PANK4: variants seen among roughly 807,000 people sequenced by gnomAD.
PANK4 encodes pantothenate kinase 4 (inactive).
A neutral mutation model predicts 87.9 loss-of-function variants in PANK4; 40 were observed. That is an observed-to-expected ratio of 0.46 (90% CI 0.35 to 0.59). The LOEUF is 0.59. Ranked by LOEUF, PANK4 falls within the 20% of genes least tolerant of loss-of-function variation. PANK4 has a pLI of 0.00. For synonymous variants in PANK4, 524 were observed against 467.4 expected (o/e 1.12, Z -1.56); for missense variants, 926 against 1,072.3 (o/e 0.86, Z 1.90).
chr1:2,521,345 T>C (rs377043859), intron 2 of PANK4, 30 bp from the exon 3 acceptor site: 3 of 1,549,958 alleles, frequency 1.9e-6, no homozygotes, highest in African/African-American at 1.4e-5. Flanking sequence ...AGGCCGCATG[T>C]GTGTGGGACA....
chr1:2,509,011 G>C lies in PANK4; in HGVS notation c.2158C>G (p.Leu720Val). The change falls in exon 19 of 19, where the codon CTG (leucine) becomes GTG (valine). Residue 720 changes from leucine (L) to valine (V), a missense_variant. Leu to Val is a conservative substitution (Grantham distance 32). Transcript: ENST00000378466. The surrounding 1 kb of genome is among the most constrained non-coding windows in gnomAD (Gnocchi z 4.9). ...CGGCCCATGCCCTCGATGACCACCA[G>C]ATCCGCGCCACGCTCCCGCACCAGT... ...AALVRERGADLVVIEGMGRAV... is the reference protein window; with the variant it reads ...AALVRERGADVVVIEGMGRAV... 6.2e-7 allele frequency: 1 copy of C among 1,605,652 alleles called. No individual in the cohort carries two copies. The highest frequency in any genetic ancestry group is 8.5e-7 in the Non-Finnish European group (1 of 1,179,652).
At position 2,511,292 on chromosome 1, in the gene PANK4, C is replaced by A. The variant is rs202155285; in HGVS notation, c.1833+46G>T. On this transcript the variant is annotated intron_variant, in intron 15 of 18. Coordinates refer to ENST00000378466, the MANE Select transcript of PANK4 (RefSeq NM_018216.4). ...TCCCTCCAGTGACCACCCCCCCGGG[C>A]CCCGCTGTGTCCCCAGCAGCAGAGG... 52 of 1,423,744 alleles carry A rather than the reference C, an allele frequency of 3.7e-5. No homozygotes were observed. The East Asian group carries it at 1.1e-3, about 31-fold the overall frequency. The allele number at this position is 1,423,744 out of a possible 1,614,324, so 88.2% of individuals were successfully genotyped here.
chr1:2,521,955 A>AAT, intron 1 of PANK4, 155 bp from the exon 2 acceptor site: 1 of 632,320 alleles, frequency 1.6e-6, no homozygotes, highest in South Asian at 1.8e-5. Context: ...TGGGCACAAA[A>AAT]GAGAGGACAG....
Position 2,509,379 on chromosome 1 carries a change from A to G in PANK4, c.2109-319T>C, listed in dbSNP as rs940380563. 5.9e-5 allele frequency among the ~76,000 whole-genome samples: 9 copies of G among 152,172 alleles called. No homozygotes were observed. The highest frequency in any genetic ancestry group is 1.3e-4 in the Admixed American group (2 of 15,276). On this transcript the variant is annotated intron_variant, in intron 18 of 18. Transcript: ENST00000378466. This position sits in a 1 kb window ranked among gnomAD's most constrained non-coding sequence, Gnocchi z 4.9. ...GGGGCACAGATGAAGCCAGCACTGG[A>G]GAATCCCACCAGGCAGAGCAGACCA...
In PANK4 at chr1:2,509,017, C is replaced by T. The variant is rs200267028; in HGVS notation, c.2152G>A (p.Ala718Thr). 3.9e-5 allele frequency: 62 copies of T among 1,604,578 alleles called. No individual in the cohort carries two copies. Among genetic ancestry groups the T allele is most frequent in the Admixed American group, 3.0e-4 (18 of 59,880 alleles). The part of the protein sequence containing the change: ...GLAALVRERG[A>T]DLVVIEGMGR... The stretch of plus-strand genomic sequence containing the variant: ...ATGCCCTCGATGACCACCAGATCCG[C>T]GCCACGCTCCCGCACCAGTGCGGCC... The change falls in exon 19 of 19, where the codon GCG (alanine) becomes ACG (threonine). Residue 718 changes from alanine to threonine, a missense_variant. Physicochemically the swap from Ala to Thr is moderately conservative, Grantham distance 58 (BLOSUM62 0). Coordinates refer to ENST00000378466, the MANE Select transcript of PANK4 (RefSeq NM_018216.4). The surrounding 1 kb of genome is among the most constrained non-coding windows in gnomAD (Gnocchi z 4.9).
intron 12 of PANK4, among the ~76,000 whole-genome samples, chr1:2,513,435 C>T (rs1199238802): frequency 6.6e-6 from 1 of 152,260 alleles, no homozygotes; most frequent in African/African-American, 2.4e-5. Context: ...GGAGTCCATG[C>T]CTCCGCTGCT....
Position 2,520,012 on chromosome 1 carries a change from C to A in PANK4, c.700-58G>T. ...CCAGGAGCTGCTGGAATCCCCACGA[C>A]CCCAGAAACCAAGCCCATGGCAGGA... On this transcript the variant is annotated intron_variant, in intron 5 of 18. Transcript: ENST00000378466. The surrounding 1 kb of genome is among the most constrained non-coding windows in gnomAD (Gnocchi z 6.2). 1.4e-6 allele frequency: 2 copies of A among 1,474,890 alleles called. No homozygotes were observed. Among genetic ancestry groups the A allele is most frequent in the Non-Finnish European group, 1.8e-6 (2 of 1,099,508 alleles). 91.4% of individuals were successfully genotyped at this position (1,474,890 alleles called of 1,614,324 possible). A position where few individuals can be genotyped will look rare whatever the true frequency, so the allele number is the denominator to read the frequency against.
In PANK4 at chr1:2,521,737, G is replaced by A. The variant is rs752230388; in HGVS notation, c.188C>T (p.Ser63Phe). ...TVQHKVAKVR[S>F]FDHSGKDTER... ...GCTCACCTTTCCGGAGTGGTCGAAA[G>A]ACCGCACCTTGGCGACTTTGTGCTG... The change falls in exon 2 of 19, where the codon TCT becomes TTT. Residue 63 changes from serine (S) to phenylalanine (F), a missense_variant. Physicochemically the swap from Ser to Phe is radical, Grantham distance 155 (BLOSUM62 -2). Transcript: ENST00000378466. 2 of 1,613,964 alleles carry A rather than the reference G, an allele frequency of 1.2e-6. No homozygotes were observed. Among genetic ancestry groups the A allele is most frequent in the Non-Finnish European group, 1.7e-6 (2 of 1,179,958 alleles).
At position 2,526,481 on chromosome 1, in the gene PANK4, C is replaced by A; in HGVS notation, c.107G>T (p.Arg36Leu). The stretch of plus-strand genomic sequence containing the variant: ...GCGGCTACCTATGTCGATGGCGAAG[C>A]GCTTGGCGTTCTCCAGGTTGCGGAA... Reference protein sequence around the residue: ...EIFRNLENAKRFAIDIGGSLT... With the variant: ...EIFRNLENAKLFAIDIGGSLT... Residue 36 changes from arginine (R) to leucine (L), a missense_variant, in exon 1 of 19, where the codon CGC becomes CTC. Arg to Leu is a moderately radical substitution (Grantham distance 102). Coordinates refer to ENST00000378466, the MANE Select transcript of PANK4 (RefSeq NM_018216.4). The A allele has an allele frequency of 6.4e-7, 1 of 1,570,776 alleles. No individual in the cohort carries two copies. The highest frequency in any genetic ancestry group is 8.6e-7 in the Non-Finnish European group (1 of 1,161,052).
Position 2,526,563 on chromosome 1 carries a change from T to G in PANK4, c.25A>C (p.Ser9Arg). 6.2e-7 allele frequency: 1 copy of G among 1,602,698 alleles called. No individual in the cohort carries two copies. The highest frequency in any genetic ancestry group is 1.7e-5 in the Admixed American group (1 of 59,088). The change falls in exon 1 of 19, where the codon AGC (serine) becomes CGC (arginine). Residue 9 changes from serine (S) to arginine (R), a missense_variant. By Grantham distance (110) the Ser-to-Arg change is moderately radical. Transcript: ENST00000378466. MAECGASG[S>R]GSSGDSLDKS... ...TCCAGACTGTCCCCGCTGCTCCCGCTGCCGCTCGCTCCACACTCCGCCATT... is the reference window on the plus strand; with the variant it reads ...TCCAGACTGTCCCCGCTGCTCCCGCGGCCGCTCGCTCCACACTCCGCCATT...
chr1:2,520,558 G>C lies in PANK4; in HGVS notation c.607-144C>G. On this transcript the variant is annotated intron_variant, in intron 4 of 18. Transcript: ENST00000378466. The surrounding 1 kb of genome is among the most constrained non-coding windows in gnomAD (Gnocchi z 6.2). The stretch of plus-strand genomic sequence containing the variant: ...GAGGACTCTCATGGCCAAGCCTGGG[G>C]GCGCTGATGCCCCTCCCACAGAGGC... The C allele has an allele frequency of 2.0e-6, 2 of 1,015,018 alleles. No homozygotes were observed. The highest frequency in any genetic ancestry group is 2.9e-6 in the Non-Finnish European group (2 of 678,688). 62.9% of individuals were successfully genotyped at this position (1,015,018 alleles called of 1,614,324 possible). A position where few individuals can be genotyped will look rare whatever the true frequency, so the allele number is the denominator to read the frequency against.
Position 2,521,740 on chromosome 1 carries a change from C to G in PANK4, c.185G>C (p.Arg62Pro). 1 of 1,613,906 alleles carries G rather than the reference C, an allele frequency of 6.2e-7. No individual in the cohort carries two copies. Among genetic ancestry groups the G allele is most frequent in the Non-Finnish European group, 8.5e-7 (1 of 1,179,942 alleles). ...STVQHKVAKV[R>P]SFDHSGKDTE... ...CACCTTTCCGGAGTGGTCGAAAGAC[C>G]GCACCTTGGCGACTTTGTGCTGTAC... is the stretch of plus-strand genomic sequence containing the variant. The change falls in exon 2 of 19, where the codon CGG (arginine) becomes CCG (proline). Residue 62 changes from arginine (R) to proline (P), a missense_variant. By Grantham distance (103) the Arg-to-Pro change is moderately radical. Transcript: ENST00000378466.
chr1:2,521,328 G>A lies in PANK4; in HGVS notation c.208-13C>T, dbSNP rs768396545. 1.9e-6 allele frequency: 3 copies of A among 1,603,668 alleles called. No homozygotes were observed. The highest frequency in any genetic ancestry group is 1.7e-6 in the Non-Finnish European group (2 of 1,170,822). The stretch of plus-strand genomic sequence containing the variant: ...CACGTTCTGTGTCCTGGAAAACAGA[G>A]TAGGGGAGGCCGCATGTGTGTGGGA... On this transcript the variant is annotated splice_polypyrimidine_tract_variant and intron_variant, in intron 2 of 18. Transcript: ENST00000378466.
chr1:2,513,993 T>C lies in PANK4; in HGVS notation c.1575+9A>G. On this transcript the variant is annotated intron_variant, in intron 12 of 18. Coordinates refer to ENST00000378466, the MANE Select transcript of PANK4 (RefSeq NM_018216.4). ...GAGCGAGCGGAAGGCCAGGGCACAC[T>C]GCACTTACTTTGGAGTAGGGATCCG... The C allele has an allele frequency of 6.3e-7, 1 of 1,599,392 alleles. No individual in the cohort carries two copies. The highest frequency in any genetic ancestry group is 2.2e-5 in the East Asian group (1 of 44,810).
At chr1:2,516,542 C>T (rs944975366) in intron 9 of PANK4, among the ~76,000 whole-genome samples, 1 of 152,206 alleles carries the variant, frequency 6.6e-6, no homozygotes, top group African/African-American at 2.4e-5. Flanking sequence ...CCGCCTCTTC[C>T]CACCCTCCGG....
rs561244718 is a variant in PANK4 at position 2,510,044 on chromosome 1, C to T, written c.2039+13G>A. On this transcript the variant is annotated intron_variant, in intron 17 of 18. Coordinates refer to ENST00000378466, the MANE Select transcript of PANK4 (RefSeq NM_018216.4). This position sits in a 1 kb window ranked among gnomAD's most constrained non-coding sequence, Gnocchi z 4.9. ...CCATCAAGGCCCCCCCAGCACTGCC[C>T]GCCAACACTCACTGCACGACAGGGT... The T allele has an allele frequency of 4.1e-4, 658 of 1,598,766 alleles. No homozygotes were observed. The highest frequency in any genetic ancestry group is 5.5e-4 in the Non-Finnish European group (640 of 1,170,508).
chr1:2,522,612 G>A (rs894306623), intron 1 of PANK4, among the ~76,000 whole-genome samples: 1 of 152,006 alleles, frequency 6.6e-6, no homozygotes, highest in Admixed American at 6.5e-5. Context: ...GTTGAGGCTA[G>A]AGTTGTATTC....
chr1:2,510,385 A>G lies in PANK4; in HGVS notation c.1939-228T>C. ...GCTGAGTTTAGAGCCTGCCCCTGGGACCTGCCTGTCTGTGAAGTCACAGCC... is the reference window on the plus strand; with the variant it reads ...GCTGAGTTTAGAGCCTGCCCCTGGGGCCTGCCTGTCTGTGAAGTCACAGCC... On this transcript the variant is annotated intron_variant, in intron 16 of 18. Coordinates refer to ENST00000378466, the MANE Select transcript of PANK4 (RefSeq NM_018216.4). The surrounding 1 kb of genome is among the most constrained non-coding windows in gnomAD (Gnocchi z 4.9). The G allele has an allele frequency of 1.8e-6, 1 of 561,356 alleles. No homozygotes were observed. The highest frequency in any genetic ancestry group is 3.1e-6 in the Non-Finnish European group (1 of 326,636). The allele number at this position is 561,356 out of a possible 1,614,324, so 34.8% of individuals were successfully genotyped here. A position where few individuals can be genotyped will look rare whatever the true frequency, so the allele number is the denominator to read the frequency against.
At chr1:2,511,460 G>T in intron 14 of PANK4, 73 bp from the exon 15 acceptor site, 2 of 1,243,442 alleles carry the variant, frequency 1.6e-6, no homozygotes, top group Non-Finnish European at 2.4e-6. Context: ...GTCTTCAGGT[G>T]TTCGTCTCTC....
Sources: gnomAD v4.1 joint callset for allele counts (sites outside exome capture counted in the v4.1 genomes callset) on GRCh38, gnomAD v4.1.1 for gene constraint, Gnocchi (gnomAD v3.1) non-coding constraint, MANE v1.5 for transcripts, NCBI Gene and HGNC (gene_info 2026-07-23, HGNC 2026-07-21) for gene names.